Variants in SCOC observed in about 807,000 individuals in gnomAD.
The protein encoded by SCOC is short coiled-coil protein, also known as short coiled coil protein.
SCOC carries 7 observed loss-of-function variants against 9.9 expected under a neutral mutation model. That is an observed-to-expected ratio of 0.71 (90% confidence interval 0.40 to 1.33). SCOC has a LOEUF of 1.33. Among genes scored for constraint, SCOC ranks in the 40% most tolerant of loss-of-function variants. SCOC has a pLI of 0.01. For missense variants in SCOC, 66 were observed against 89.7 expected, an observed-to-expected ratio of 0.74 and a Z score of 1.07; for synonymous variants, 19 against 28.2, an observed-to-expected ratio of 0.67 and a Z score of 1.03.
At chr4:140,340,302 G>T (rs1726453847), upstream of SCOC, among the ~76,000 whole-genome samples, 1 of 152,006 alleles carries the variant, frequency 6.6e-6, no homozygotes, top group African/African-American at 2.4e-5. Flanking sequence ...GCCTGTTGTG[G>T]GGTGGGGGGA....
At chr4:140,266,443 G>C (rs547149659) in intron 1 of SCOC, among the ~76,000 whole-genome samples, 13 of 152,172 alleles carry the variant, frequency 8.5e-5, no homozygotes, top group Admixed American at 1.3e-4. Flanking sequence ...AGGGCTAAGA[G>C]CTCTCAGGAG....
At chr4:140,322,039 A>AG (rs1732514464) in intron 1 of SCOC, among the ~76,000 whole-genome samples, 1 of 152,204 alleles carries the variant, frequency 6.6e-6, no homozygotes, top group Non-Finnish European at 1.5e-5. Context: ...CATCTGGCTC[A>AG]CCAGATGCTA....
At chr4:140,374,419 A>C (rs545584938) in intron 1 of SCOC, 1 of 306,556 alleles carries the variant, frequency 3.3e-6, no homozygotes, top group Admixed American at 4.8e-5. Flanking sequence ...CCGAGGACCC[A>C]AAGCTGTGCC....
intron 1 of SCOC, among the ~76,000 whole-genome samples, chr4:140,259,100 A>G (rs757624322): frequency 3.3e-5 from 5 of 152,392 alleles, no homozygotes; most frequent in South Asian, 2.1e-4. Context: ...TGAAGCTAAT[A>G]TAAGTCAAGG....
rs1324041255 is a variant in SCOC at position 140,382,923 on chromosome 4, C to T, written c.*1819C>T. The T allele has an allele frequency of 6.6e-6, 1 of 152,186 alleles. No homozygotes were observed. The highest frequency in any genetic ancestry group is 1.5e-5 in the Non-Finnish European group (1 of 68,034). 9.4% of individuals were successfully genotyped at this position (152,186 alleles called of 1,614,324 possible). A position where few individuals can be genotyped will look rare whatever the true frequency, so the allele number is the denominator to read the frequency against. On this transcript the variant is annotated 3_prime_UTR_variant, in exon 4 of 4. Coordinates refer to ENST00000608372, the MANE Select transcript of SCOC (RefSeq NM_001153484.2). ...AGGTCAGCATTGCAGGCTAGCAGCC[C>T]TTGTTCAAACAGTTATTCAGGGACT...
At chr4:140,307,770 C>T (rs1175482997) in intron 1 of SCOC, among the ~76,000 whole-genome samples, 2 of 152,138 alleles carry the variant, frequency 1.3e-5, no homozygotes, top group African/African-American at 2.4e-5. Context: ...CAAGGAGATG[C>T]TATTTCACAA....
At chr4:140,326,647 C>G (rs200326031) in intron 1 of SCOC, among the ~76,000 whole-genome samples, 14,114 of 152,042 alleles carry the variant, frequency 0.093, 717 homozygotes, top group East Asian at 0.24. Flanking sequence ...AGGCAGACCC[C>G]CCCCCCTACA....
chr4:140,353,678 G>A (rs927804968), intron 2 of SCOC, among the ~76,000 whole-genome samples: 5 of 152,138 alleles, frequency 3.3e-5, no homozygotes, highest in African/African-American at 9.7e-5. Flanking sequence ...GATTACAGGC[G>A]TGAGCCACCA....
intron 1 of SCOC, among the ~76,000 whole-genome samples, chr4:140,281,339 T>C (rs959429993): frequency 4.0e-5 from 6 of 151,892 alleles, no homozygotes; most frequent in Non-Finnish European, 8.8e-5. Context: ...ACATCAGGTG[T>C]GCAGAAGAAG....
chr4:140,358,785 T>C (rs563470297), intron 2 of SCOC, among the ~76,000 whole-genome samples: 1 of 152,326 alleles, frequency 6.6e-6, no homozygotes, highest in African/African-American at 2.4e-5. Flanking sequence ...GAAAACTGCA[T>C]AAAATTTACT....
chr4:140,373,470 C>G, upstream of SCOC: 2 of 1,550,104 alleles, frequency 1.3e-6, no homozygotes, highest in African/African-American at 2.7e-5. Flanking sequence ...TGTCAGTGTC[C>G]TTTTGTTATG....
rs1425396040 is a variant in SCOC, at chr4:140,383,523, G to C, written c.*2419G>C. Reference sequence around the variant, plus strand: ...GAGATGTATGAAGATTTTGTCCCTAGCAGTGGAGAAGTTCCTTGATTCAAC... The same window carrying C: ...GAGATGTATGAAGATTTTGTCCCTACCAGTGGAGAAGTTCCTTGATTCAAC... On this transcript the variant is annotated 3_prime_UTR_variant, in exon 4 of 4. Transcript: ENST00000608372. 2 of 152,210 alleles carry C rather than the reference G, an allele frequency of 1.3e-5. No individual in the cohort carries two copies. Among genetic ancestry groups the C allele is most frequent in the African/African-American group, 4.8e-5 (2 of 41,456 alleles). 9.4% of individuals were successfully genotyped at this position (152,210 alleles called of 1,614,324 possible).
At chr4:140,315,980 A>G (rs7678137) in intron 1 of SCOC, among the ~76,000 whole-genome samples, 16,790 of 152,124 alleles carry the variant, frequency 0.11, 1,349 homozygotes, top group African/African-American at 0.23. Context: ...AAGTCCCATC[A>G]CCAGGTCTCT....
At chr4:140,343,044 T>C (rs1192271294), upstream of SCOC, among the ~76,000 whole-genome samples, 1 of 152,030 alleles carries the variant, frequency 6.6e-6, no homozygotes, top group African/African-American at 2.4e-5. Flanking sequence ...TATTTCTACA[T>C]ATATGTATGG....
Position 140,283,317 on chromosome 4 carries a change from C to G in SCOC, c.-19+25907C>G, listed in dbSNP as rs113665396. Among the ~76,000 whole-genome samples, 1,016 of 152,314 alleles carry G rather than the reference C, an allele frequency of 6.7e-3. 7 individuals carry two copies. Among genetic ancestry groups the G allele is most frequent in the Non-Finnish European group, 9.8e-3 (667 of 68,032 alleles). On this transcript the variant is annotated intron_variant, in intron 1 of 4. Transcript: ENST00000394205. ...TCAATTGATCAAAATGATAGAAGTT[C>G]TTCTACATCACCTCTCCCAGCGAGG...
chr4:140,366,441 C>CT, intron 2 of SCOC: 4 of 1,505,704 alleles, frequency 2.7e-6, no homozygotes, highest in African/African-American at 1.4e-5. Context: ...GCAGCAGGTG[C>CT]TTTTTTGGGA....
At chr4:140,351,189 T>TA (rs77010112) in intron 2 of SCOC, among the ~76,000 whole-genome samples, 1,750 of 132,488 alleles carry the variant, frequency 0.013, 22 homozygotes, top group African/African-American at 0.035. Flanking sequence ...AGACTTTATC[T>TA]AAAAAAAAAA....
chr4:140,320,553 G>A (rs1323540783), intron 1 of SCOC, among the ~76,000 whole-genome samples: 2 of 152,078 alleles, frequency 1.3e-5, no homozygotes, highest in South Asian at 4.1e-4. Context: ...AAGTCCCAGG[G>A]GCTGCAGACA....
At chr4:140,289,012 C>T (rs909041374) in intron 1 of SCOC, among the ~76,000 whole-genome samples, 2 of 152,108 alleles carry the variant, frequency 1.3e-5, no homozygotes, top group African/African-American at 4.8e-5. Flanking sequence ...CATGTCCACA[C>T]ACATGACACA....
Sources: allele counts gnomAD v4.1 joint callset (sites outside exome capture counted in the v4.1 genomes callset), GRCh38; gene constraint gnomAD v4.1.1; transcripts MANE v1.5; gene names NCBI Gene and HGNC (gene_info 2026-07-23, HGNC 2026-07-21).